Variants in EFCAB6 observed in about 807,000 individuals in gnomAD.
EFCAB6 encodes EF-hand calcium-binding domain-containing protein 6.
EFCAB6 carries 156 observed loss-of-function variants against 169.8 expected under a neutral mutation model. The observed-to-expected ratio is 0.92, with a 90% confidence interval of 0.81 to 1.05. EFCAB6 has a LOEUF of 1.05. EFCAB6 is among the 50% of genes least tolerant of loss of function. The pLI is 0.00. For missense variants in EFCAB6, 1,800 were observed against 1,829.1 expected (o/e 0.98, Z 0.29); for synonymous variants, 698 against 676.4 (o/e 1.03, Z -0.50).
intron 3 of EFCAB6, among the ~76,000 whole-genome samples, chr22:43,773,508 C>T (rs2061545217): frequency 6.6e-6 from 1 of 152,226 alleles, no homozygotes; most frequent in African/African-American, 2.4e-5. Context: ...CAGACCATTT[C>T]CCTTTCAAAG....
At chr22:43,535,500 A>T (rs2047332224) in intron 29 of EFCAB6, 1 of 152,174 alleles carries the variant, frequency 6.6e-6, no homozygotes, top group South Asian at 2.1e-4. Context: ...CTCCACGGGG[A>T]GTGTTGCTGG....
chr22:43,695,891 G>C (rs1290845578), intron 10 of EFCAB6, among the ~76,000 whole-genome samples: 1 of 152,010 alleles, frequency 6.6e-6, no homozygotes, highest in Non-Finnish European at 1.5e-5. Flanking sequence ...TTAAATCTTT[G>C]TGATACTAGG....
chr22:43,542,010 G>A (rs9625951), intron 27 of EFCAB6, among the ~76,000 whole-genome samples: 1 of 152,148 alleles, frequency 6.6e-6, no homozygotes, highest in Non-Finnish European at 1.5e-5. Context: ...GGTGCAGAAC[G>A]CTGTTCTGAC....
At chr22:43,742,560 A>G (rs1311884034) in intron 6 of EFCAB6, among the ~76,000 whole-genome samples, 1 of 152,260 alleles carries the variant, frequency 6.6e-6, no homozygotes, top group African/African-American at 2.4e-5. Flanking sequence ...ACAGCTAACT[A>G]TGCCTTAAGT....
chr22:43,733,739 T>C (rs1271313101), intron 7 of EFCAB6, among the ~76,000 whole-genome samples: 1 of 152,090 alleles, frequency 6.6e-6, no homozygotes, highest in Non-Finnish European at 1.5e-5. Context: ...AGATGGAGTC[T>C]CGCTCTGTTG....
chr22:43,794,265 C>T (rs1296999832), intron 2 of EFCAB6, among the ~76,000 whole-genome samples: 3 of 152,196 alleles, frequency 2.0e-5, no homozygotes, highest in Non-Finnish European at 2.9e-5. Flanking sequence ...TAGCAATAAC[C>T]GAGCATCTAT....
intron 17 of EFCAB6, among the ~76,000 whole-genome samples, chr22:43,655,514 C>T (rs553566512): frequency 8.4e-6 from 1 of 119,640 alleles, no homozygotes; most frequent in Non-Finnish European, 1.8e-5. Flanking sequence ...GAGCGAGACC[C>T]TGTCTCAAAA....
At chr22:43,690,071 T>G (rs2058349596) in intron 10 of EFCAB6, among the ~76,000 whole-genome samples, 1 of 152,168 alleles carries the variant, frequency 6.6e-6, no homozygotes, top group African/African-American at 2.4e-5. Flanking sequence ...CAGCCAGATA[T>G]CCACCCATTC....
chr22:43,594,295 A>G (rs1227941327), intron 23 of EFCAB6, among the ~76,000 whole-genome samples: 1 of 149,716 alleles, frequency 6.7e-6, no homozygotes, highest in Non-Finnish European at 1.5e-5. Context: ...AAAAAAAAAA[A>G]AAAGAAAAGA....
At chr22:43,573,980 T>A (rs972380115) in intron 26 of EFCAB6, among the ~76,000 whole-genome samples, 1 of 152,150 alleles carries the variant, frequency 6.6e-6, no homozygotes. Context: ...TTATTTAAAA[T>A]ATATATAAGG....
In EFCAB6 at chr22:43,683,750, G is replaced by A. The variant is rs764273798; in HGVS notation, c.1248C>T (p.Asn416=). ...GAGAAGGCTTTCAAAATCTTACAGT[G>A]TTGATTATCAGTAATGCTTTCTTCA... The part of the protein sequence containing the change: ...ASLKKALLII[N]TKPDGPITRE... The change falls in exon 12 of 32, where the codon AAC becomes AAT. Residue 416 remains asparagine (N), a synonymous_variant. Coordinates refer to ENST00000262726, the MANE Select transcript of EFCAB6 (RefSeq NM_022785.4). 6 of 1,602,544 alleles carry A rather than the reference G, an allele frequency of 3.7e-6. No homozygotes were observed. Among genetic ancestry groups the A allele is most frequent in the Non-Finnish European group, 5.1e-6 (6 of 1,169,462 alleles).
At chr22:43,802,058 G>T (rs535873701) in intron 2 of EFCAB6, among the ~76,000 whole-genome samples, 2 of 152,252 alleles carry the variant, frequency 1.3e-5, no homozygotes, top group East Asian at 3.9e-4. Context: ...ATAAGAGCAG[G>T]AATAGCTTTA....
intron 17 of EFCAB6, among the ~76,000 whole-genome samples, chr22:43,647,450 G>C (rs534454330): frequency 6.6e-5 from 10 of 152,338 alleles, no homozygotes; most frequent in African/African-American, 2.4e-4. Flanking sequence ...GTTCTATCCA[G>C]GAACTGGGAA....
At chr22:43,720,112 C>T (rs918181400) in intron 8 of EFCAB6, among the ~76,000 whole-genome samples, 10 of 151,906 alleles carry the variant, frequency 6.6e-5, no homozygotes, top group African/African-American at 2.4e-4. Context: ...CAAATCACCA[C>T]ATTGTACATC....
intron 19 of EFCAB6, among the ~76,000 whole-genome samples, chr22:43,629,384 A>G (rs1221820601): frequency 6.6e-6 from 1 of 152,184 alleles, no homozygotes; most frequent in Non-Finnish European, 1.5e-5. Context: ...GGTATCCAGC[A>G]TAACACGGGA....
intron 23 of EFCAB6, among the ~76,000 whole-genome samples, chr22:43,596,273 G>C (rs1220075872): frequency 6.6e-6 from 1 of 151,996 alleles, no homozygotes; most frequent in Non-Finnish European, 1.5e-5. Flanking sequence ...AAGAAATAAA[G>C]CGCATCCAAA....
chr22:43,635,102 C>T lies in EFCAB6; in HGVS notation c.2098G>A (p.Asp700Asn), dbSNP rs2055287284. 1 of 1,613,942 alleles carries T rather than the reference C, an allele frequency of 6.2e-7. No individual in the cohort carries two copies. Among genetic ancestry groups the T allele is most frequent in the African/African-American group, 1.3e-5 (1 of 75,020 alleles). Residue 700 changes from aspartate (D) to asparagine (N), a missense_variant and splice_region_variant, in exon 18 of 32, where the codon GAT becomes AAT. By Grantham distance (23) the Asp-to-Asn change is conservative. Transcript: ENST00000262726. Reference protein sequence around the residue: ...SYLDFAAGFEDPPMRGPETTP... With the variant: ...SYLDFAAGFENPPMRGPETTP... ...GGGTGTGGACTTGGCCATTAGCTAC[C>T]TTCAAATCCTGCTGCAAAATCAAGA...
chr22:43,624,616 T>A (rs1029109789), intron 20 of EFCAB6, among the ~76,000 whole-genome samples: 1 of 152,164 alleles, frequency 6.6e-6, no homozygotes, highest in Non-Finnish European at 1.5e-5. Context: ...AACTTCAAGG[T>A]CCAGCTCAAA....
At chr22:43,785,729 T>C (rs956145168) in intron 2 of EFCAB6, among the ~76,000 whole-genome samples, 2 of 152,012 alleles carry the variant, frequency 1.3e-5, no homozygotes, top group African/African-American at 4.8e-5. Context: ...CAAAAGATTA[T>C]CAAAATTGAC....
Sources: allele counts gnomAD v4.1 joint callset (sites outside exome capture counted in the v4.1 genomes callset), GRCh38; gene constraint gnomAD v4.1.1; transcripts MANE v1.5; gene names NCBI Gene and HGNC (gene_info 2026-07-23, HGNC 2026-07-21).